The following LRRC69 variants were observed in gnomAD, a reference collection of about 807,000 sequenced individuals.
LRRC69 encodes the protein leucine rich repeat containing 69.
In LRRC69, 42 loss-of-function variants were observed where a neutral mutation model predicts 37.8. The ratio of observed to expected loss-of-function variants is 1.11; its 90% CI spans 0.87 to 1.44. The LOEUF (loss-of-function observed/expected upper bound fraction) is 1.44. LRRC69 is among the 40% of genes most tolerant of loss of function. LRRC69 has a pLI of 0.00. For synonymous variants in LRRC69, 141 were observed against 143.1 expected (o/e 0.99, Z 0.11); for missense variants, 357 against 401.9 (o/e 0.89, Z 0.96).
intron 6 of LRRC69, among the ~76,000 whole-genome samples, chr8:91,197,423 C>G (rs940063867): frequency 3.3e-5 from 5 of 152,136 alleles, no homozygotes; most frequent in African/African-American, 1.2e-4. Flanking sequence ...TGGCCAATGG[C>G]GGGCGCCCCT....
At chr8:91,156,139 T>C (rs1472510217) in intron 5 of LRRC69, among the ~76,000 whole-genome samples, 1 of 150,956 alleles carries the variant, frequency 6.6e-6, no homozygotes, top group Non-Finnish European at 1.5e-5. Context: ...TTTTTCATAA[T>C]GGATGTACTA....
chr8:91,158,107 A>C (rs1435937503), intron 5 of LRRC69: 4 of 1,548,204 alleles, frequency 2.6e-6, no homozygotes, highest in Non-Finnish European at 3.6e-6. Context: ...AGAGTTCTAC[A>C]TTTATTCCAG....
At chr8:91,168,637 G>C (rs1809071658) in intron 5 of LRRC69, among the ~76,000 whole-genome samples, 1 of 151,882 alleles carries the variant, frequency 6.6e-6, no homozygotes, top group Non-Finnish European at 1.5e-5. Flanking sequence ...TCTGGCAGCA[G>C]CATTGCACAG....
At chr8:91,181,304 A>G (rs1384853491) in intron 5 of LRRC69, among the ~76,000 whole-genome samples, 2 of 152,184 alleles carry the variant, frequency 1.3e-5, no homozygotes, top group Non-Finnish European at 2.9e-5. Context: ...CACATTATGA[A>G]CACATTTAGG....
intron 7 of LRRC69, among the ~76,000 whole-genome samples, chr8:91,216,078 C>G (rs1399978716): frequency 1.3e-5 from 2 of 152,000 alleles, no homozygotes; most frequent in African/African-American, 4.8e-5. Context: ...ATTCATAGCC[C>G]TGAAAAATAT....
At position 91,200,803 on chromosome 8, in the gene LRRC69, C is replaced by A. The variant is rs903999909; in HGVS notation, c.933+11C>A. On this transcript the variant is annotated intron_variant, in intron 7 of 7. Coordinates refer to ENST00000448384, the Ensembl canonical transcript of LRRC69. ...GTTCCTCCACCAAAGGTAAATGATG[C>A]TTTTTATGCGAATATGAGCATAATA... is the stretch of plus-strand genomic sequence containing the variant. 1.2e-5 allele frequency: 18 copies of A among 1,525,026 alleles called. No individual in the cohort carries two copies. The highest frequency in any genetic ancestry group is 1.4e-5 in the Non-Finnish European group (16 of 1,138,096). The allele number at this position is 1,525,026 out of a possible 1,614,324, so 94.5% of individuals were successfully genotyped here. A position where few individuals can be genotyped will look rare whatever the true frequency, so the allele number is the denominator to read the frequency against.
chr8:91,162,754 A>G (rs1245654414), intron 5 of LRRC69, among the ~76,000 whole-genome samples: 2 of 151,258 alleles, frequency 1.3e-5, no homozygotes, highest in African/African-American at 2.4e-5. Context: ...TTTATATTCA[A>G]TATTGTTATT....
intron 5 of LRRC69, among the ~76,000 whole-genome samples, chr8:91,183,576 C>T (rs1427332699): frequency 1.3e-5 from 2 of 151,566 alleles, no homozygotes; most frequent in African/African-American, 4.9e-5. Context: ...GAACCAGAGT[C>T]TTTGCCATAG....
chr8:91,200,625 A>T lies in LRRC69; in HGVS notation c.766A>T (p.Arg256Ter). The change falls in exon 7 of 8, where the codon AGA (arginine) becomes TGA (stop). Residue 256 changes from arginine (R) to a stop codon, truncating the protein, a stop_gained. Transcript: ENST00000448384. LOFTEE classifies it high-confidence loss of function. ...TTTTTCAATTTAGGAAATAACATCA[A>T]GATTTGTAATGAATCAGCTAGCAGA... 2 of 1,443,006 alleles carry T rather than the reference A, an allele frequency of 1.4e-6. No homozygotes were observed. Among genetic ancestry groups the T allele is most frequent in the Middle Eastern group, 1.8e-4 (1 of 5,632 alleles). The allele number at this position is 1,443,006 out of a possible 1,614,324, so 89.4% of individuals were successfully genotyped here.
chr8:91,164,415 T>C (rs1477382926), intron 5 of LRRC69, among the ~76,000 whole-genome samples: 1 of 151,644 alleles, frequency 6.6e-6, no homozygotes. Context: ...TTCCATGGCC[T>C]AGAAGTCTGA....
At chr8:91,129,530 T>C (rs1813772141) in intron 3 of LRRC69, among the ~76,000 whole-genome samples, 1 of 151,898 alleles carries the variant, frequency 6.6e-6, no homozygotes, top group African/African-American at 2.4e-5. Context: ...TCCCATGATA[T>C]AGTAAATCAG....
chr8:91,191,790 G>C (rs568307557), intron 6 of LRRC69, among the ~76,000 whole-genome samples: 2 of 152,108 alleles, frequency 1.3e-5, no homozygotes, highest in Non-Finnish European at 2.9e-5. Flanking sequence ...GAATGAGAGA[G>C]AAATTGTTCT....
chr8:91,156,959 C>G (rs1028361419), intron 5 of LRRC69, among the ~76,000 whole-genome samples: 10 of 151,092 alleles, frequency 6.6e-5, no homozygotes, highest in Non-Finnish European at 1.0e-4. Flanking sequence ...GTTCTCTATT[C>G]TGTTCCATTG....
chr8:91,176,134 A>ATATATATATTTTT, intron 5 of LRRC69, among the ~76,000 whole-genome samples: 2,979 of 75,366 alleles, frequency 0.04, 132 homozygotes, highest in Non-Finnish European at 0.05. Flanking sequence ...ATATATATAT[A>ATATATATATTTTT]TTTTTTTTTT....
intron 1 of LRRC69, among the ~76,000 whole-genome samples, chr8:91,120,199 C>G (rs1439336674): frequency 6.6e-6 from 1 of 152,058 alleles, no homozygotes; most frequent in Admixed American, 6.6e-5. Context: ...TTCAAGGTCA[C>G]TAATCACTTT....
chr8:91,206,652 A>C (rs912944405), intron 7 of LRRC69: 1 of 1,286,672 alleles, frequency 7.8e-7, no homozygotes, highest in African/African-American at 1.5e-5. Context: ...TCTCAAAACC[A>C]TCTGATGTGC....
chr8:91,180,052 CT>C (rs1287623320), intron 5 of LRRC69, among the ~76,000 whole-genome samples: 3 of 152,132 alleles, frequency 2.0e-5, no homozygotes, highest in African/African-American at 4.8e-5. Flanking sequence ...TATTGATTTG[CT>C]TTAGTAAAAT....
chr8:91,138,432 T>C (rs2130523761), intron 5 of LRRC69, among the ~76,000 whole-genome samples: 1 of 152,136 alleles, frequency 6.6e-6, no homozygotes, highest in African/African-American at 2.4e-5. Flanking sequence ...TTGAATAGTT[T>C]ATTTTACTGC....
chr8:91,166,811 T>C (rs914462114), intron 5 of LRRC69, among the ~76,000 whole-genome samples: 4 of 151,804 alleles, frequency 2.6e-5, no homozygotes, highest in African/African-American at 7.2e-5. Context: ...CGTCCTCATA[T>C]AAAAAGAACA....
Sources: gnomAD v4.1 joint callset for allele counts (sites outside exome capture counted in the v4.1 genomes callset) on GRCh38, gnomAD v4.1.1 for gene constraint, MANE v1.5 for transcripts, NCBI Gene and HGNC (gene_info 2026-07-23, HGNC 2026-07-21) for gene names.